The following PLEKHA6 variants were observed in gnomAD, a reference collection of about 807,000 sequenced individuals.
PLEKHA6 encodes the protein pleckstrin homology domain containing A6, also known as pleckstrin homology domain-containing family A member 6.
Under a neutral mutation model 116.7 loss-of-function variants are expected in PLEKHA6, and 60 were observed. That is an observed-to-expected ratio of 0.51 (90% confidence interval 0.42 to 0.64). The LOEUF is 0.64. Among genes scored for constraint, PLEKHA6 ranks in the 30% least tolerant of loss-of-function variants. The probability of loss-of-function intolerance (pLI) is 0.00; values close to 1 mark genes in which losing one functional copy is unlikely to be tolerated. For synonymous variants in PLEKHA6, 489 were observed against 556.1 expected (o/e 0.88, Z 1.70); for missense variants, 1,338 against 1,422.7 (o/e 0.94, Z 0.96).
chr1:204,296,261 G>GT (rs1032740362), intron 1 of PLEKHA6, among the ~76,000 whole-genome samples: 5 of 152,214 alleles, frequency 3.3e-5, no homozygotes, highest in African/African-American at 1.2e-4. Context: ...ACATGCGTGT[G>GT]TTTCGTGGCC....
intron 1 of PLEKHA6, among the ~76,000 whole-genome samples, chr1:204,359,321 G>A (rs1049266881): frequency 6.6e-6 from 1 of 152,062 alleles, no homozygotes; most frequent in Non-Finnish European, 1.5e-5. Context: ...CTTCCTGCTG[G>A]CAAGATTAAA....
intron 1 of PLEKHA6, among the ~76,000 whole-genome samples, chr1:204,353,290 C>T (rs1558198426): frequency 6.6e-6 from 1 of 152,218 alleles, no homozygotes; most frequent in Non-Finnish European, 1.5e-5. Flanking sequence ...CTGAGGAGAA[C>T]AGGGAATAAA....
chr1:204,219,873 T>G lies in PLEKHA6; in HGVS notation c.*2915A>C, dbSNP rs1659469560. 6.6e-6 allele frequency: 1 copy of G among 152,252 alleles called. No individual in the cohort carries two copies. Among genetic ancestry groups the G allele is most frequent in the Non-Finnish European group, 1.5e-5 (1 of 68,090 alleles). The allele number at this position is 152,252 out of a possible 1,614,324, so 9.4% of individuals were successfully genotyped here. On this transcript the variant is annotated 3_prime_UTR_variant, in exon 23 of 23. Coordinates refer to ENST00000272203, the MANE Select transcript of PLEKHA6 (RefSeq NM_014935.5). ...GGTGAGGTTGAGATGCCACCTTGTC[T>G]GTAGGACCCTCCTTGGCCCAGAGGC...
At chr1:204,293,065 A>C (rs192527891) in intron 1 of PLEKHA6, among the ~76,000 whole-genome samples, 1 of 152,064 alleles carries the variant, frequency 6.6e-6, no homozygotes, top group East Asian at 1.9e-4. Flanking sequence ...TGGGAGAGGG[A>C]GCAAGCCCAC....
intron 1 of PLEKHA6, among the ~76,000 whole-genome samples, chr1:204,280,122 C>T (rs1318112994): frequency 6.6e-6 from 1 of 152,050 alleles, no homozygotes; most frequent in Middle Eastern, 3.2e-3. Context: ...AGAAGCAGAT[C>T]CTCTCTATTT....
At chr1:204,372,237 T>A (rs548458090) in intron 1 of PLEKHA6, among the ~76,000 whole-genome samples, 7 of 152,292 alleles carry the variant, frequency 4.6e-5, no homozygotes, top group African/African-American at 1.7e-4. Flanking sequence ...TGTCCCTAGA[T>A]TCAGACCTAG....
intron 1 of PLEKHA6, among the ~76,000 whole-genome samples, chr1:204,286,790 C>A (rs1163514291): frequency 6.6e-6 from 1 of 151,984 alleles, no homozygotes; most frequent in Non-Finnish European, 1.5e-5. Flanking sequence ...TTGTGGCTGA[C>A]TCTCAATATG....
chr1:204,355,987 ACACACACACACAC>A (rs1243152999), intron 1 of PLEKHA6, among the ~76,000 whole-genome samples: 1 of 71,966 alleles, frequency 1.4e-5, no homozygotes, highest in Non-Finnish European at 3.0e-5. Flanking sequence ...ACACACACAC[ACACACACACACAC>A]AAAAAAAATC....
chr1:204,280,024 G>A (rs1668432381), intron 1 of PLEKHA6, among the ~76,000 whole-genome samples: 1 of 152,182 alleles, frequency 6.6e-6, no homozygotes, highest in African/African-American at 2.4e-5. Flanking sequence ...CTTAGTCCCA[G>A]GCTTAAGAAG....
intron 1 of PLEKHA6, among the ~76,000 whole-genome samples, chr1:204,294,201 A>G (rs993068850): frequency 1.3e-5 from 2 of 152,134 alleles, no homozygotes; most frequent in Admixed American, 1.3e-4. Flanking sequence ...GATACGGAGG[A>G]AGTGGTGATG....
intron 1 of PLEKHA6, among the ~76,000 whole-genome samples, chr1:204,348,474 T>G (rs1398151): frequency 0.54 from 82,299 of 152,020 alleles, 25,556 homozygotes; most frequent in East Asian, 0.82. Flanking sequence ...TACCAGCTAG[T>G]GAACCCCACA....
chr1:204,233,187 C>CTTTTTT (rs57991213), intron 17 of PLEKHA6, among the ~76,000 whole-genome samples: 2 of 129,784 alleles, frequency 1.5e-5, no homozygotes, highest in Non-Finnish European at 3.2e-5. Context: ...TTTTCTTTTT[C>CTTTTTT]TTTTTTTTTT....
intron 15 of PLEKHA6, among the ~76,000 whole-genome samples, chr1:204,243,830 TA>T (rs1663205369): frequency 1.3e-5 from 2 of 152,170 alleles, no homozygotes; most frequent in Non-Finnish European, 2.9e-5. Context: ...TTATTATTAT[TA>T]TTTTTTTGAG....
chr1:204,295,930 A>G (rs1670232128), intron 1 of PLEKHA6, among the ~76,000 whole-genome samples: 1 of 152,168 alleles, frequency 6.6e-6, no homozygotes, highest in Non-Finnish European at 1.5e-5. Context: ...ACGGAAACTC[A>G]AGAAGCTCCA....
chr1:204,284,211 G>T (rs1668932974), intron 1 of PLEKHA6, among the ~76,000 whole-genome samples: 1 of 152,338 alleles, frequency 6.6e-6, no homozygotes, highest in Non-Finnish European at 1.5e-5. Context: ...AAACCAGCCA[G>T]AGCTGGAGAG....
intron 15 of PLEKHA6, among the ~76,000 whole-genome samples, chr1:204,242,265 G>T (rs1249764912): frequency 6.6e-6 from 1 of 152,194 alleles, no homozygotes; most frequent in African/African-American, 2.4e-5. Flanking sequence ...AAAAACATGA[G>T]ACTAGAAGAG....
chr1:204,242,306 A>G (rs952948496), intron 15 of PLEKHA6, among the ~76,000 whole-genome samples: 1 of 152,242 alleles, frequency 6.6e-6, no homozygotes, highest in African/African-American at 2.4e-5. Flanking sequence ...CACTGCTCCC[A>G]TGGTACAGTT....
chr1:204,224,760 A>G (rs1660102354), intron 21 of PLEKHA6, among the ~76,000 whole-genome samples: 2 of 152,294 alleles, frequency 1.3e-5, no homozygotes, highest in South Asian at 4.1e-4. Flanking sequence ...ATGACCCAAC[A>G]CTTGTAACTT....
chr1:204,348,195 T>C (rs952918876), intron 1 of PLEKHA6, among the ~76,000 whole-genome samples: 5 of 152,112 alleles, frequency 3.3e-5, no homozygotes, highest in Non-Finnish European at 7.4e-5. Flanking sequence ...AAGCAGTGGG[T>C]GCTGAGTAAA....
Sources: gnomAD v4.1 joint callset for allele counts (sites outside exome capture counted in the v4.1 genomes callset) on GRCh38, gnomAD v4.1.1 for gene constraint, MANE v1.5 for transcripts, NCBI Gene and HGNC (gene_info 2026-07-23, HGNC 2026-07-21) for gene names.